CSMD1: variants seen among roughly 807,000 people sequenced by gnomAD.
CSMD1 encodes the protein CUB and sushi domain-containing protein 1.
In CSMD1, 213 loss-of-function variants were observed where a neutral mutation model predicts 417.5. That is an observed-to-expected ratio of 0.51 (90% CI 0.46 to 0.57). The LOEUF (loss-of-function observed/expected upper bound fraction) is 0.57. Among genes scored for constraint, CSMD1 ranks in the 20% least tolerant of loss-of-function variants. CSMD1 has a pLI of 0.00. For synonymous variants in CSMD1, 2,862 were observed against 1,736.8 expected (o/e 1.65, Z -16.11); for missense variants, 6,923 against 4,529.7 (o/e 1.53, Z -15.17).
intron 2 of CSMD1, among the ~76,000 whole-genome samples, chr8:4,461,686 G>A (rs903643174): frequency 6.6e-6 from 1 of 151,140 alleles, no homozygotes; most frequent in African/African-American, 2.4e-5. Flanking sequence ...GTATAGCTGG[G>A]GCCATGGGCA....
chr8:3,807,707 A>G (rs1000380226), intron 5 of CSMD1, among the ~76,000 whole-genome samples: 9 of 152,120 alleles, frequency 5.9e-5, no homozygotes, highest in Non-Finnish European at 5.9e-5. Flanking sequence ...TCCTTGAGCT[A>G]TAAGGGATCC....
chr8:3,958,679 G>A (rs1812130314), intron 5 of CSMD1, among the ~76,000 whole-genome samples: 2 of 152,022 alleles, frequency 1.3e-5, no homozygotes, highest in Non-Finnish European at 2.9e-5. Context: ...TGTCAAAGAG[G>A]GAAATGGATC....
At chr8:3,326,927 G>A (rs28680261) in intron 23 of CSMD1, among the ~76,000 whole-genome samples, 9,316 of 151,948 alleles carry the variant, frequency 0.061, 380 homozygotes, top group Middle Eastern at 0.12. Flanking sequence ...CTGTAATCTC[G>A]GCTCTTAGGG....
intron 3 of CSMD1, among the ~76,000 whole-genome samples, chr8:4,327,561 G>C (rs1307068592): frequency 6.6e-6 from 1 of 152,010 alleles, no homozygotes. Context: ...TTTCCTGTGG[G>C]GCGCTCATCA....
chr8:4,031,762 C>T (rs1797358722), intron 4 of CSMD1, 143 bp downstream of exon 4: 1 of 558,380 alleles, frequency 1.8e-6, no homozygotes, highest in Middle Eastern at 4.9e-4. Context: ...TGTAATATTG[C>T]TTTCAGGAGC....
At chr8:3,618,924 G>A (rs1009333687) in intron 7 of CSMD1, among the ~76,000 whole-genome samples, 61 of 152,266 alleles carry the variant, frequency 4.0e-4, no homozygotes, top group Non-Finnish European at 6.8e-4. Flanking sequence ...CGCTCTGTGG[G>A]CTGCCTGAGA....
rs1420188518 is a variant in CSMD1 at position 3,087,288 on chromosome 8, G to A, written c.7286-3C>T. ...GTGGGTCAAACTGCAGTAAGGTGCTGTGGGCAGACAGACACACACAGAAAT... is the reference window on the plus strand; with the variant it reads ...GTGGGTCAAACTGCAGTAAGGTGCTATGGGCAGACAGACACACACAGAAAT... On this transcript the variant is annotated splice_polypyrimidine_tract_variant and splice_region_variant and intron_variant, in intron 48 of 69. Coordinates refer to ENST00000635120, the MANE Select transcript of CSMD1 (RefSeq NM_033225.6). The A allele has an allele frequency of 1.2e-6, 2 of 1,613,012 alleles. No individual in the cohort carries two copies. Among genetic ancestry groups the A allele is most frequent in the Admixed American group, 1.7e-5 (1 of 60,016 alleles).
chr8:3,289,298 T>G (rs936753540), intron 25 of CSMD1, among the ~76,000 whole-genome samples: 2 of 147,374 alleles, frequency 1.4e-5, no homozygotes, highest in African/African-American at 5.4e-5. Context: ...CGTGTGCATG[T>G]GTCTTTATAG....
intron 14 of CSMD1, among the ~76,000 whole-genome samples, chr8:3,407,333 GGATGAAT>G (rs1812407747): frequency 6.6e-6 from 1 of 151,538 alleles, no homozygotes; most frequent in Non-Finnish European, 1.5e-5. Context: ...ATGGACACAT[GGATGAAT>G]GATGAATGGA....
chr8:3,410,742 AATT>A (rs1812642061), intron 12 of CSMD1, among the ~76,000 whole-genome samples: 1 of 152,078 alleles, frequency 6.6e-6, no homozygotes, highest in Non-Finnish European at 1.5e-5. Context: ...AATTTTTTAA[AATT>A]ATTATTTTTT....
At chr8:4,414,216 G>C (rs930707554) in intron 3 of CSMD1, among the ~76,000 whole-genome samples, 3 of 152,162 alleles carry the variant, frequency 2.0e-5, no homozygotes, top group Non-Finnish European at 4.4e-5. Context: ...AGGTGTTAAA[G>C]AAAATCATGC....
At chr8:4,764,566 C>G (rs1242637678) in intron 1 of CSMD1, among the ~76,000 whole-genome samples, 1 of 151,828 alleles carries the variant, frequency 6.6e-6, no homozygotes, top group East Asian at 1.9e-4. Context: ...AAGCTGCTCT[C>G]TAAAAATATC....
intron 5 of CSMD1, among the ~76,000 whole-genome samples, chr8:3,991,877 T>G (rs1253267811): frequency 6.6e-6 from 1 of 152,196 alleles, no homozygotes; most frequent in Non-Finnish European, 1.5e-5. Flanking sequence ...TTCTCATCTA[T>G]AAAATGGGAA....
intron 1 of CSMD1, among the ~76,000 whole-genome samples, chr8:4,929,806 CACA>C (rs780033852): frequency 1.3e-5 from 2 of 152,172 alleles, no homozygotes; most frequent in African/African-American, 2.4e-5. Context: ...CAGCCACCTC[CACA>C]ACCACATTCC....
At chr8:4,132,825 A>G (rs1025102260) in intron 3 of CSMD1, among the ~76,000 whole-genome samples, 1 of 152,234 alleles carries the variant, frequency 6.6e-6, no homozygotes, top group South Asian at 2.1e-4. Flanking sequence ...ATAAATGCAG[A>G]TGATAGACAG....
intron 1 of CSMD1, among the ~76,000 whole-genome samples, chr8:4,820,037 C>G (rs1021618477): frequency 4.6e-5 from 7 of 152,100 alleles, no homozygotes; most frequent in Non-Finnish European, 1.0e-4. Flanking sequence ...TTCCATGCTT[C>G]TCTTCCTGAA....
At chr8:3,627,737 G>A (rs571770890) in intron 7 of CSMD1, among the ~76,000 whole-genome samples, 7 of 152,242 alleles carry the variant, frequency 4.6e-5, no homozygotes, top group East Asian at 1.9e-4. Context: ...TCTTTAGGAG[G>A]GAATTATTAC....
intron 3 of CSMD1, among the ~76,000 whole-genome samples, chr8:4,311,303 G>C (rs1798551036): frequency 6.6e-6 from 1 of 152,212 alleles, no homozygotes; most frequent in Non-Finnish European, 1.5e-5. Flanking sequence ...TGTACACCAT[G>C]GAATACTATG....
chr8:3,059,206 A>C (rs145116142), intron 49 of CSMD1, among the ~76,000 whole-genome samples: 1 of 151,944 alleles, frequency 6.6e-6, no homozygotes, highest in South Asian at 2.1e-4. Context: ...AAAAAAAAAT[A>C]AGGAAAAATA....
Sources: gnomAD v4.1 joint callset for allele counts (sites outside exome capture counted in the v4.1 genomes callset) on GRCh38, gnomAD v4.1.1 for gene constraint, MANE v1.5 for transcripts, NCBI Gene and HGNC (gene_info 2026-07-23, HGNC 2026-07-21) for gene names.